The following GTF2B variants were observed in gnomAD, a reference collection of about 807,000 sequenced individuals.
GTF2B encodes general transcription factor IIB.
GTF2B carries 20 observed loss-of-function variants against 34.6 expected under a neutral mutation model. The ratio of observed to expected loss-of-function variants is 0.58; its 90% CI spans 0.41 to 0.84. The LOEUF is 0.84. GTF2B is among the 40% of genes least tolerant of loss of function. GTF2B has a pLI of 0.00. For synonymous variants in GTF2B, 142 were observed against 132.4 expected, an observed-to-expected ratio of 1.07 and a Z score of -0.50; for missense variants, 237 against 393.3, an observed-to-expected ratio of 0.60 and a Z score of 3.36.
At chr1:88,862,298 C>CT (rs1405295055) in intron 3 of GTF2B, among the ~76,000 whole-genome samples, 2 of 152,078 alleles carry the variant, frequency 1.3e-5, no homozygotes, top group Non-Finnish European at 1.5e-5. Context: ...ATTCCAGCAC[C>CT]TTGGGAGGCC....
chr1:88,871,107 G>T (rs1673685214), intron 2 of GTF2B, among the ~76,000 whole-genome samples: 1 of 151,968 alleles, frequency 6.6e-6, no homozygotes, highest in Non-Finnish European at 1.5e-5. Flanking sequence ...TCATTATGTT[G>T]CCCAGGCTGC....
intron 6 of GTF2B, among the ~76,000 whole-genome samples, chr1:88,856,272 C>CAAAAAAAACAA (rs1673303219): frequency 2.0e-5 from 1 of 50,042 alleles, no homozygotes; most frequent in Non-Finnish European, 3.4e-5. Flanking sequence ...GTTTCAAAAA[C>CAAAAAAAACAA]AAAAAAAAAA....
At chr1:88,877,095 T>C (rs1214580524) in intron 2 of GTF2B, among the ~76,000 whole-genome samples, 1 of 152,240 alleles carries the variant, frequency 6.6e-6, no homozygotes. Context: ...TACCAATGTA[T>C]GACCTACATT....
At position 88,862,411 on chromosome 1, in the gene GTF2B, C is replaced by T. The variant is rs114529248; in HGVS notation, c.258+1570G>A. Among the ~76,000 whole-genome samples the T allele has an allele frequency of 2.7e-3, 417 of 152,130 alleles. 4 individuals are homozygous for T. The highest frequency in any genetic ancestry group is 9.5e-3 in the African/African-American group (394 of 41,482). On this transcript the variant is annotated intron_variant, in intron 3 of 6. Coordinates refer to ENST00000370500, the MANE Select transcript of GTF2B (RefSeq NM_001514.6). The stretch of plus-strand genomic sequence containing the variant: ...ACAAAAATTAGCCATGTGTCGTGGC[C>T]CACACCTGTGGTCCCAGTTACTTGG...
intron 2 of GTF2B, among the ~76,000 whole-genome samples, chr1:88,866,547 T>TA (rs1275497612): frequency 6.6e-6 from 1 of 152,082 alleles, no homozygotes; most frequent in Non-Finnish European, 1.5e-5. Context: ...CAGCTACAGA[T>TA]ATGCACCACC....
At chr1:88,886,757 T>C (rs1674077310) in intron 2 of GTF2B, among the ~76,000 whole-genome samples, 1 of 152,150 alleles carries the variant, frequency 6.6e-6, no homozygotes, top group Non-Finnish European at 1.5e-5. Context: ...AAAATATACA[T>C]TTGGATATAC....
At chr1:88,881,609 C>T (rs183248185) in intron 2 of GTF2B, among the ~76,000 whole-genome samples, 3 of 152,194 alleles carry the variant, frequency 2.0e-5, no homozygotes, top group East Asian at 1.9e-4. Context: ...ATGGATTCTT[C>T]GCTTACAAGA....
chr1:88,888,165 C>G (rs1674119390), intron 1 of GTF2B: 1 of 152,128 alleles, frequency 6.6e-6, no homozygotes, highest in African/African-American at 2.4e-5. Flanking sequence ...TAAAAACCAT[C>G]TGAAATACAA....
chr1:88,870,983 C>T (rs1311213841), intron 2 of GTF2B, among the ~76,000 whole-genome samples: 2 of 149,886 alleles, frequency 1.3e-5, no homozygotes, highest in African/African-American at 4.9e-5. Flanking sequence ...CTCACTGCAA[C>T]CTCTGCCTCC....
intron 1 of GTF2B, among the ~76,000 whole-genome samples, chr1:88,889,688 T>C (rs1674155233): frequency 6.6e-6 from 1 of 152,138 alleles, no homozygotes; most frequent in South Asian, 2.1e-4. Context: ...CTAGTGACAA[T>C]ACACCTTCCT....
At chr1:88,874,544 C>T (rs1263025341) in intron 2 of GTF2B, among the ~76,000 whole-genome samples, 1 of 122,134 alleles carries the variant, frequency 8.2e-6, no homozygotes, top group Non-Finnish European at 1.6e-5. Flanking sequence ...CGTCTCACTA[C>T]ATTGCCTAGG....
Position 88,852,897 on chromosome 1 carries a change from T to C in GTF2B, c.*316A>G, listed in dbSNP as rs145298556. 4.7e-4 allele frequency: 118 copies of C among 252,562 alleles called. No homozygotes were observed. Among genetic ancestry groups the C allele is most frequent in the African/African-American group, 2.4e-3 (105 of 43,984 alleles). The allele number at this position is 252,562 out of a possible 1,614,324, so 15.6% of individuals were successfully genotyped here. Reference sequence around the variant, plus strand: ...CAATGATTTGCATTATTTGTAATTATGTATCATAAGTTACATGTAACATAT... The same window carrying C: ...CAATGATTTGCATTATTTGTAATTACGTATCATAAGTTACATGTAACATAT... On this transcript the variant is annotated 3_prime_UTR_variant, in exon 7 of 7. Coordinates refer to ENST00000370500, the MANE Select transcript of GTF2B (RefSeq NM_001514.6).
chr1:88,858,655 A>C (rs948809156), intron 5 of GTF2B: 1 of 152,234 alleles, frequency 6.6e-6, no homozygotes, highest in Non-Finnish European at 1.5e-5. Context: ...CTTTTACGTA[A>C]GAAAACATAA....
At position 88,852,967 on chromosome 1, in the gene GTF2B, T is replaced by C. The variant is rs562791498; in HGVS notation, c.*246A>G. The C allele has an allele frequency of 4.7e-6, 2 of 426,440 alleles. No homozygotes were observed. Among genetic ancestry groups the C allele is most frequent in the South Asian group, 6.9e-5 (2 of 28,954 alleles). The allele number at this position is 426,440 out of a possible 1,614,324, so 26.4% of individuals were successfully genotyped here. On this transcript the variant is annotated 3_prime_UTR_variant, in exon 7 of 7. Transcript: ENST00000370500. ...AAAAATGTTTTATTCAAGAATTACA[T>C]AATTTCAAATATCTTCCAAAATACA...
At chr1:88,854,627 T>C (rs1309971519) in intron 6 of GTF2B, among the ~76,000 whole-genome samples, 1 of 152,010 alleles carries the variant, frequency 6.6e-6, no homozygotes, top group Non-Finnish European at 1.5e-5. Flanking sequence ...CTCAGCCTCC[T>C]GAGTAGCTGA....
chr1:88,857,691 CT>C, intron 5 of GTF2B, among the ~76,000 whole-genome samples: 1 of 108,152 alleles, frequency 9.2e-6, no homozygotes, highest in Middle Eastern at 6.0e-3. Flanking sequence ...TTCATCACAC[CT>C]TTTTTTTTGA....
In GTF2B at chr1:88,864,008, A is replaced by C; in HGVS notation, c.231T>G (p.Asp77Glu). Residue 77 changes from aspartate (D) to glutamate (E), a missense_variant, in exon 3 of 7, where the codon GAT becomes GAG. Physicochemically the swap from Asp to Glu is conservative, Grantham distance 45 (BLOSUM62 2). This residue lies in a region of GTF2B where 130 missense variants were observed against 170.9 expected (regional missense o/e 0.76). Transcript: ENST00000370500. ...VGDSQNPLLSDGDLSTMIGKG... is the reference protein window; with the variant it reads ...VGDSQNPLLSEGDLSTMIGKG... Reference sequence around the variant, plus strand: ...TGCCAATCATGGTAGACAAATCTCCATCACTCAGAAGAGGATTCTGAGAAT... The same window carrying C: ...TGCCAATCATGGTAGACAAATCTCCCTCACTCAGAAGAGGATTCTGAGAAT... The C allele has an allele frequency of 1.9e-6, 3 of 1,613,182 alleles. No individual in the cohort carries two copies. Among genetic ancestry groups the C allele is most frequent in the Non-Finnish European group, 1.7e-6 (2 of 1,179,118 alleles).
chr1:88,868,253 G>A (rs1673602521), intron 2 of GTF2B, among the ~76,000 whole-genome samples: 1 of 152,208 alleles, frequency 6.6e-6, no homozygotes, highest in African/African-American at 2.4e-5. Context: ...GAAGCAGCCA[G>A]CCAATTAGCA....
intron 2 of GTF2B, among the ~76,000 whole-genome samples, chr1:88,869,673 G>A (rs548219712): frequency 2.0e-5 from 3 of 152,052 alleles, no homozygotes; most frequent in Admixed American, 6.6e-5. Flanking sequence ...TTTTGCCCAG[G>A]CTAGTGTGCA....
Sources: gnomAD v4.1 joint callset for allele counts (sites outside exome capture counted in the v4.1 genomes callset) on GRCh38, gnomAD v4.1.1 for gene constraint, gnomAD v4.1.1 regional missense constraint, MANE v1.5 for transcripts, NCBI Gene and HGNC (gene_info 2026-07-23, HGNC 2026-07-21) for gene names.